PCDHGA7: variants seen among roughly 807,000 people sequenced by gnomAD.
PCDHGA7 encodes the protein protocadherin gamma-A7.
PCDHGA7 carries 44 observed loss-of-function variants against 58.3 expected under a neutral mutation model. That is an observed-to-expected ratio of 0.75 (90% CI 0.59 to 0.97). The LOEUF (loss-of-function observed/expected upper bound fraction) is 0.97, where lower values mean the gene tolerates loss of function less well. Among genes scored for constraint, PCDHGA7 ranks in the 50% least tolerant of loss-of-function variants. PCDHGA7 has a pLI of 0.00. For synonymous variants in PCDHGA7, 516 were observed against 504.2 expected (o/e 1.02, Z -0.31); for missense variants, 1,266 against 1,188.7 (o/e 1.06, Z -0.96).
intron 1 of PCDHGA7, chr5:141,403,259 C>T: frequency 6.2e-7 from 1 of 1,613,866 alleles, no homozygotes; most frequent in Admixed American, 1.7e-5. Context: ...CCCGCGGTGT[C>T]TGGTGAACTT....
Position 141,415,142 on chromosome 5 carries a change from C to A in PCDHGA7, c.2424+29819C>A, listed in dbSNP as rs757516335. On this transcript the variant is annotated intron_variant, in intron 1 of 3. Coordinates refer to ENST00000518325, the MANE Select transcript of PCDHGA7 (RefSeq NM_018920.4). The stretch of plus-strand genomic sequence containing the variant: ...GTGGCCGTCCAGGACCACGGCCAGC[C>A]CCCTCTCTCCGCCACTGTCACGCTC... 10 of 1,613,732 alleles carry A rather than the reference C, an allele frequency of 6.2e-6. 1 individual carries two copies. In the South Asian group the frequency reaches 1.1e-4, roughly 18 times the overall value.
At chr5:141,459,891 CT>C (rs1405964049) in intron 1 of PCDHGA7, among the ~76,000 whole-genome samples, 1 of 152,158 alleles carries the variant, frequency 6.6e-6, no homozygotes, top group African/African-American at 2.4e-5. Flanking sequence ...TGAACGCCTT[CT>C]TAAAATTGAG....
Position 141,491,963 on chromosome 5 carries a change from C to A in PCDHGA7, c.2425-2844C>A. ...CCCCCACCCCTACACTCAAAAAAGG[C>A]CGGGGCCTCCTTCGAGCTTCCGGTG... On this transcript the variant is annotated intron_variant, in intron 1 of 3. Coordinates refer to ENST00000518325, the MANE Select transcript of PCDHGA7 (RefSeq NM_018920.4). This position sits in a 1 kb window ranked among gnomAD's most constrained non-coding sequence, Gnocchi z 6.9. 2 of 944,828 alleles carry A rather than the reference C, an allele frequency of 2.1e-6. No homozygotes were observed. Among genetic ancestry groups the A allele is most frequent in the Non-Finnish European group, 3.0e-6 (2 of 670,874 alleles). 58.5% of individuals were successfully genotyped at this position (944,828 alleles called of 1,614,324 possible).
In PCDHGA7 at chr5:141,447,883, C is replaced by T. The variant is rs184337553; in HGVS notation, c.2425-46924C>T. Among the ~76,000 whole-genome samples the T allele has an allele frequency of 3.9e-3, 599 of 152,000 alleles. 3 individuals are homozygous for T. The highest frequency in any genetic ancestry group is 0.014 in the African/African-American group (563 of 41,452). ...GGTGAATCATCTGAGGTCAGGAGTT[C>T]GAGACCAGCCTGGCCAACATGGTGA... On this transcript the variant is annotated intron_variant, in intron 1 of 3. Coordinates refer to ENST00000518325, the MANE Select transcript of PCDHGA7 (RefSeq NM_018920.4).
chr5:141,475,254 C>T (rs776471860), intron 1 of PCDHGA7, among the ~76,000 whole-genome samples: 9 of 152,208 alleles, frequency 5.9e-5, no homozygotes, highest in Admixed American at 1.3e-4. Flanking sequence ...TGCTCTACAA[C>T]TGAGATCATG....
intron 1 of PCDHGA7, chr5:141,421,426 A>T: frequency 1.2e-6 from 2 of 1,614,104 alleles, no homozygotes; most frequent in Non-Finnish European, 8.5e-7. Flanking sequence ...CGGAGTCCGC[A>T]TCGTCTCCAG....
At position 141,490,516 on chromosome 5, in the gene PCDHGA7, G is replaced by T. The variant is rs768123119; in HGVS notation, c.2425-4291G>T. The T allele has an allele frequency of 6.2e-7, 1 of 1,613,828 alleles. No individual in the cohort carries two copies. The highest frequency in any genetic ancestry group is 2.2e-5 in the East Asian group (1 of 44,864). On this transcript the variant is annotated intron_variant, in intron 1 of 3. Transcript: ENST00000518325. This position sits in a 1 kb window ranked among gnomAD's most constrained non-coding sequence, Gnocchi z 5.4. ...ATCCCACTATATCATCGAGCTGCTG[G>T]CCAGCGATGCTGGTTCACCTTCCCT... is the stretch of plus-strand genomic sequence containing the variant.
chr5:141,431,537 C>A lies in PCDHGA7; in HGVS notation c.2424+46214C>A, dbSNP rs2097391571. On this transcript the variant is annotated intron_variant, in intron 1 of 3. Transcript: ENST00000518325. This position sits in a 1 kb window ranked among gnomAD's most constrained non-coding sequence, Gnocchi z 4.8. ...TCCGGAGAATCTGGCCTTGGGCACG[C>A]AGCTGCTTGTAGTCAACGCTACCGA... 6.2e-7 allele frequency: 1 copy of A among 1,614,102 alleles called. No individual in the cohort carries two copies. The highest frequency in any genetic ancestry group is 1.3e-5 in the African/African-American group (1 of 75,072).
chr5:141,422,633 G>T lies in PCDHGA7; in HGVS notation c.2424+37310G>T, dbSNP rs769515606. 10 of 1,613,120 alleles carry T rather than the reference G, an allele frequency of 6.2e-6. No individual in the cohort carries two copies. In the East Asian group the frequency reaches 2.0e-4, roughly 32 times the overall value. ...TACATTCCCGAAAACAACCCCAGGG[G>T]TGCCTCCATCTTCTCAGTGACCGCC... On this transcript the variant is annotated intron_variant, in intron 1 of 3. Coordinates refer to ENST00000518325, the MANE Select transcript of PCDHGA7 (RefSeq NM_018920.4).
Position 141,399,399 on chromosome 5 carries a change from C to T in PCDHGA7, c.2424+14076C>T, listed in dbSNP as rs1282174658. 1.9e-6 allele frequency: 3 copies of T among 1,613,902 alleles called. No individual in the cohort carries two copies. The Admixed American group carries it at 5.0e-5, about 27-fold the overall frequency. The stretch of plus-strand genomic sequence containing the variant: ...TCACCATCACAGCCACAGACAGGGG[C>T]AAGCCGCCCCTCTCCTCCAGCATAA... On this transcript the variant is annotated intron_variant, in intron 1 of 3. Transcript: ENST00000518325.
chr5:141,407,732 A>G (rs1294403186), intron 1 of PCDHGA7, among the ~76,000 whole-genome samples: 3 of 152,242 alleles, frequency 2.0e-5, no homozygotes, highest in Non-Finnish European at 4.4e-5. Flanking sequence ...AAGGTTCACT[A>G]TATATACTCC....
intron 1 of PCDHGA7, chr5:141,423,349 T>A (rs2096733716): frequency 6.2e-7 from 1 of 1,614,196 alleles, no homozygotes; most frequent in East Asian, 2.2e-5. Context: ...CTTCCTGGTC[T>A]TTGTCATCGT....
At chr5:141,410,060 G>C in intron 1 of PCDHGA7, 1 of 1,613,108 alleles carries the variant, frequency 6.2e-7, no homozygotes, top group Non-Finnish European at 8.5e-7. Flanking sequence ...CTTCAGCCTG[G>C]GGCTGCGCAC....
At chr5:141,427,952 T>C (rs1311471634) in intron 1 of PCDHGA7, 38 of 1,587,018 alleles carry the variant, frequency 2.4e-5, no homozygotes, top group Non-Finnish European at 2.8e-5. Flanking sequence ...TCAATGACAA[T>C]GTGCCGCGGG....
chr5:141,462,418 T>A (rs1187388192), intron 1 of PCDHGA7, among the ~76,000 whole-genome samples: 2 of 152,250 alleles, frequency 1.3e-5, no homozygotes, highest in African/African-American at 2.4e-5. Context: ...ATATGGTCTA[T>A]CTTGGTGAGT....
At chr5:141,468,748 C>T (rs2099176836) in intron 1 of PCDHGA7, among the ~76,000 whole-genome samples, 1 of 151,866 alleles carries the variant, frequency 6.6e-6, no homozygotes, top group South Asian at 2.1e-4. Context: ...TGCCTGTAGT[C>T]CCAGCTACTC....
chr5:141,423,805 G>GT (rs1384575574), intron 1 of PCDHGA7: 44 of 1,261,806 alleles, frequency 3.5e-5, no homozygotes, highest in South Asian at 8.9e-5. Context: ...AGCAATACAT[G>GT]TGAGTTTTAC....
At position 141,486,883 on chromosome 5, in the gene PCDHGA7, C is replaced by G. The variant is rs1234866888; in HGVS notation, c.2425-7924C>G. The G allele has an allele frequency of 1.2e-6, 2 of 1,614,214 alleles. No individual in the cohort carries two copies. ...CTCCAGCTGTGCTCCGTCCTCGGGC[C>G]CGGCCTGGTTCCTTATGTCCCCAAG... On this transcript the variant is annotated intron_variant, in intron 1 of 3. Coordinates refer to ENST00000518325, the MANE Select transcript of PCDHGA7 (RefSeq NM_018920.4). The surrounding 1 kb of genome is among the most constrained non-coding windows in gnomAD (Gnocchi z 5.0).
chr5:141,445,545 A>G (rs1422837499), intron 1 of PCDHGA7, among the ~76,000 whole-genome samples: 2 of 152,256 alleles, frequency 1.3e-5, no homozygotes, highest in Non-Finnish European at 2.9e-5. Context: ...AAGGAGAAAT[A>G]CAAAAGCACT....
Sources: gnomAD v4.1 joint callset for allele counts (sites outside exome capture counted in the v4.1 genomes callset) on GRCh38, gnomAD v4.1.1 for gene constraint, Gnocchi (gnomAD v3.1) non-coding constraint, MANE v1.5 for transcripts, NCBI Gene and HGNC (gene_info 2026-07-23, HGNC 2026-07-21) for gene names.